NALF1: variants seen among roughly 807,000 people sequenced by gnomAD.
NALF1 encodes family with sequence similarity 155 member A.
Under a neutral mutation model 48.4 loss-of-function variants are expected in NALF1, and 3 were observed. The ratio of observed to expected loss-of-function variants is 0.06; its 90% CI spans 0.03 to 0.16. The LOEUF is 0.16. Among genes scored for constraint, NALF1 ranks in the 10% least tolerant of loss-of-function variants. The pLI is 1.00. For missense variants in NALF1, 526 were observed against 571.5 expected (o/e 0.92, Z 0.81); for synonymous variants, 262 against 245.7 (o/e 1.07, Z -0.62).
intron 1 of NALF1, among the ~76,000 whole-genome samples, chr13:107,448,994 A>C (rs1884697385): frequency 6.6e-6 from 1 of 152,198 alleles, no homozygotes; most frequent in South Asian, 2.1e-4. Flanking sequence ...CTGTAATCCC[A>C]GCACTTTGGG....
chr13:107,726,879 C>A (rs1053223833), intron 1 of NALF1, among the ~76,000 whole-genome samples: 2 of 150,772 alleles, frequency 1.3e-5, no homozygotes, highest in East Asian at 3.9e-4. Flanking sequence ...GCTGGGATTA[C>A]AGGCATGAGA....
At chr13:107,771,433 G>T (rs1278607490) in intron 1 of NALF1, among the ~76,000 whole-genome samples, 1 of 150,794 alleles carries the variant, frequency 6.6e-6, no homozygotes, top group Non-Finnish European at 1.5e-5. Context: ...TATTTGTTTT[G>T]TTTTCCTTAA....
chr13:107,244,840 TA>T (rs1228992110), intron 1 of NALF1, among the ~76,000 whole-genome samples: 1 of 152,206 alleles, frequency 6.6e-6, no homozygotes, highest in African/African-American at 2.4e-5. Context: ...ATTTGCCTAC[TA>T]ATTTTTTTAG....
At chr13:107,681,078 C>T (rs1380477387) in intron 1 of NALF1, among the ~76,000 whole-genome samples, 1 of 152,086 alleles carries the variant, frequency 6.6e-6, no homozygotes, top group Non-Finnish European at 1.5e-5. Flanking sequence ...CAGTCACTGA[C>T]AATAACGCCA....
intron 1 of NALF1, among the ~76,000 whole-genome samples, chr13:107,732,828 C>T (rs190279870): frequency 1.7e-3 from 266 of 152,202 alleles, no homozygotes; most frequent in Non-Finnish European, 1.7e-3. Context: ...GCAACAGGTC[C>T]TAATCATTGA....
intron 1 of NALF1, among the ~76,000 whole-genome samples, chr13:107,519,376 AAC>A (rs1555306087): frequency 7.0e-5 from 10 of 142,418 alleles, no homozygotes; most frequent in African/African-American, 2.2e-4. Flanking sequence ...AAAAAAAAAA[AAC>A]TTTTCAAAGA....
chr13:107,710,466 T>A (rs924300581), intron 1 of NALF1, among the ~76,000 whole-genome samples: 1 of 151,172 alleles, frequency 6.6e-6, no homozygotes, highest in Non-Finnish European at 1.5e-5. Flanking sequence ...GGGTAATTTA[T>A]GAAGAAAAGA....
chr13:107,596,030 G>A (rs1878735924), intron 1 of NALF1, among the ~76,000 whole-genome samples: 1 of 152,134 alleles, frequency 6.6e-6, no homozygotes, highest in Non-Finnish European at 1.5e-5. Context: ...AAACCCAGCT[G>A]TGTATGTGGA....
chr13:107,622,961 A>T (rs779076606), intron 1 of NALF1, among the ~76,000 whole-genome samples: 6 of 152,184 alleles, frequency 3.9e-5, no homozygotes, highest in Admixed American at 1.3e-4. Flanking sequence ...TTGTGGAGCT[A>T]TTAAACAAAC....
At chr13:107,764,063 T>C (rs760955513) in intron 1 of NALF1, among the ~76,000 whole-genome samples, 1 of 152,154 alleles carries the variant, frequency 6.6e-6, no homozygotes, top group Non-Finnish European at 1.5e-5. Context: ...ACCAAGAAAA[T>C]GTATCACTGG....
At chr13:107,553,614 G>A (rs545420326) in intron 1 of NALF1, among the ~76,000 whole-genome samples, 1 of 152,250 alleles carries the variant, frequency 6.6e-6, no homozygotes, top group Non-Finnish European at 1.5e-5. Flanking sequence ...TAGTTGAATT[G>A]TCATATCAAT....
intron 1 of NALF1, among the ~76,000 whole-genome samples, chr13:107,785,068 G>A (rs753340470): frequency 1.3e-5 from 2 of 151,680 alleles, no homozygotes; most frequent in East Asian, 1.9e-4. Context: ...GTCTGTGTAT[G>A]TGTGTGTGTA....
intron 1 of NALF1, among the ~76,000 whole-genome samples, chr13:107,233,948 ATTG>A (rs1880283815): frequency 6.6e-6 from 1 of 152,194 alleles, no homozygotes; most frequent in African/African-American, 2.4e-5. Context: ...TTTTTATGAC[ATTG>A]TTATTTGAAT....
intron 1 of NALF1, among the ~76,000 whole-genome samples, chr13:107,516,893 C>T (rs996665720): frequency 6.6e-6 from 1 of 152,166 alleles, no homozygotes; most frequent in Non-Finnish European, 1.5e-5. Flanking sequence ...AAACGCCAGA[C>T]TTCAAATCTT....
intron 1 of NALF1, among the ~76,000 whole-genome samples, chr13:107,831,543 A>G (rs1177166119): frequency 1.3e-5 from 2 of 152,186 alleles, no homozygotes; most frequent in South Asian, 2.1e-4. Flanking sequence ...AAAAAAAAAG[A>G]CATGTTCTAA....
At chr13:107,385,403 A>G (rs182227735) in intron 1 of NALF1, among the ~76,000 whole-genome samples, 1,902 of 152,146 alleles carry the variant, frequency 0.013, 37 homozygotes, top group African/African-American at 0.044. Context: ...AAGTACAAAA[A>G]TTAGCTGGGT....
At chr13:107,227,562 C>T (rs1880132009) in intron 1 of NALF1, among the ~76,000 whole-genome samples, 1 of 152,180 alleles carries the variant, frequency 6.6e-6, no homozygotes, top group Non-Finnish European at 1.5e-5. Context: ...ATATCTTTGT[C>T]GCACAAGTCA....
chr13:107,547,185 C>T (rs1323664), intron 1 of NALF1, among the ~76,000 whole-genome samples: 5,442 of 152,220 alleles, frequency 0.036, 148 homozygotes, highest in East Asian at 0.081. Context: ...CGACTTCAAC[C>T]ACATCAGAAG....
intron 1 of NALF1, among the ~76,000 whole-genome samples, chr13:107,644,783 A>G (rs1369992640): frequency 6.6e-6 from 1 of 151,642 alleles, no homozygotes; most frequent in Non-Finnish European, 1.5e-5. Context: ...TAACTCTTTA[A>G]CCGTACAGAA....
Sources: allele counts gnomAD v4.1 joint callset (sites outside exome capture counted in the v4.1 genomes callset), GRCh38; gene constraint gnomAD v4.1.1; transcripts MANE v1.5; gene names NCBI Gene and HGNC (gene_info 2026-07-23, HGNC 2026-07-21).